Variants in UBXN6 observed in about 807,000 individuals in gnomAD.
UBXN6 encodes the protein UBX domain protein 6.
A neutral mutation model predicts 51.4 loss-of-function variants in UBXN6; 44 were observed. The ratio of observed to expected loss-of-function variants is 0.86; its 90% CI spans 0.67 to 1.10. The LOEUF (loss-of-function observed/expected upper bound fraction) is 1.10. Ranked by LOEUF, UBXN6 falls within the 50% of genes least tolerant of loss-of-function variation. The probability of loss-of-function intolerance (pLI) is 0.00; values close to 1 mark genes in which losing one functional copy is unlikely to be tolerated. For synonymous variants in UBXN6, 316 were observed against 263.2 expected (o/e 1.20, Z -1.94); for missense variants, 672 against 596.1 (o/e 1.13, Z -1.32).
intron 6 of UBXN6, chr19:4,447,209 G>A: frequency 1.7e-6 from 1 of 579,136 alleles, no homozygotes; most frequent in Non-Finnish European, 3.1e-6. Flanking sequence ...CACCGCCCAG[G>A]ACCCCAGTCC....
In UBXN6 at chr19:4,452,339, C is replaced by T. The variant is rs1365542981; in HGVS notation, c.441+25G>A. On this transcript the variant is annotated intron_variant, in intron 4 of 10. Coordinates refer to ENST00000301281, the MANE Select transcript of UBXN6 (RefSeq NM_025241.3). ...AGGCACAGGAAGCTACAGGTTGGGG[C>T]AGGAGCACACAGGGTGCCACTCACC... 3.7e-6 allele frequency: 6 copies of T among 1,609,552 alleles called. No individual in the cohort carries two copies. The East Asian group carries it at 1.3e-4, about 36-fold the overall frequency.
In UBXN6 at chr19:4,452,396, G is replaced by T. The variant is rs764696826; in HGVS notation, c.409C>A (p.Arg137=). The change falls in exon 4 of 11, where the codon CGG becomes AGG. Residue 137 remains arginine, a synonymous_variant. Transcript: ENST00000301281. ...LTGATLRKDQ[R]DACIKEAILL... The stretch of plus-strand genomic sequence containing the variant: ...ATGGCCTCCTTGATGCAGGCGTCCC[G>T]CTGGTCCTTCCTCAGGGTGGCCCCA... 6.2e-7 allele frequency: 1 copy of T among 1,613,414 alleles called. No individual in the cohort carries two copies. The highest frequency in any genetic ancestry group is 1.7e-5 in the Admixed American group (1 of 60,012).
At chr19:4,452,284 A>G in intron 4 of UBXN6, 80 bp downstream of exon 4, 1 of 1,569,750 alleles carries the variant, frequency 6.4e-7, no homozygotes, top group Non-Finnish European at 8.7e-7. Flanking sequence ...AGGGATCTGT[A>G]CCACCTGGGC....
chr19:4,457,188 C>G (rs1183750287), intron 1 of UBXN6, among the ~76,000 whole-genome samples: 1 of 152,134 alleles, frequency 6.6e-6, no homozygotes, highest in Non-Finnish European at 1.5e-5. Flanking sequence ...AGAGCTCTCC[C>G]TCACCACCCG....
chr19:4,448,243 G>T, intron 5 of UBXN6, 75 bp downstream of exon 5: 1 of 1,341,172 alleles, frequency 7.5e-7, no homozygotes, highest in South Asian at 1.3e-5. Flanking sequence ...GGGCCAGAGG[G>T]GGTGACAGCC....
chr19:4,446,473 A>G, intron 8 of UBXN6, 27 bp downstream of exon 8: 4 of 1,594,532 alleles, frequency 2.5e-6, no homozygotes, highest in Non-Finnish European at 3.4e-6. Context: ...GCCCCGCCCC[A>G]CTCTGCTCCG....
intron 1 of UBXN6, among the ~76,000 whole-genome samples, chr19:4,457,067 TCAC>T (rs1158846482): frequency 6.6e-6 from 1 of 151,792 alleles, no homozygotes; most frequent in Non-Finnish European, 1.5e-5. Context: ...AAACAACTCT[TCAC>T]CACCCCACCC....
chr19:4,450,193 C>T (rs1248700321), intron 4 of UBXN6: 2 of 148,660 alleles, frequency 1.3e-5, no homozygotes, highest in African/African-American at 5.0e-5. Context: ...CCACTGCACT[C>T]CAGCCTGGTG....
chr19:4,447,454 A>G, intron 6 of UBXN6, 96 bp downstream of exon 6: 1 of 1,379,240 alleles, frequency 7.3e-7, no homozygotes, highest in Non-Finnish European at 1.0e-6. Flanking sequence ...TAGCTCCTCC[A>G]GGGAGCCCAC....
At position 4,446,096 on chromosome 19, in the gene UBXN6, GC is replaced by G. The variant is rs1414565363; in HGVS notation, c.1152del (p.Gln385ArgfsTer11). 12 of 1,612,640 alleles carry G rather than the reference GC, an allele frequency of 7.4e-6. No homozygotes were observed. Among genetic ancestry groups the G allele is most frequent in the Non-Finnish European group, 1.0e-5 (12 of 1,179,906 alleles). On this transcript the variant is annotated frameshift_variant, in exon 10 of 11. Coordinates refer to ENST00000301281, the MANE Select transcript of UBXN6 (RefSeq NM_025241.3). LOFTEE classifies it high-confidence loss of function. Reference sequence around the variant, plus strand: ...AGGTTCTCGTCCTCGGACAGCTTCTGCCCTCCCGAGGCCAGCAGCTCAAAAG... The same window carrying G: ...AGGTTCTCGTCCTCGGACAGCTTCTGCCTCCCGAGGCCAGCAGCTCAAAAG... ...WLPFELLASG[G>X]QKLSEDENLA...
rs368344029 is a variant in UBXN6 at position 4,453,555 on chromosome 19, C to T, written c.248-33G>A. On this transcript the variant is annotated intron_variant, in intron 2 of 10. Coordinates refer to ENST00000301281, the MANE Select transcript of UBXN6 (RefSeq NM_025241.3). ...GCAGCCCAAGAAAGAGAGGCAGAGACGGGATAGTGAGCACGCCGCTGTCCT... is the reference window on the plus strand; with the variant it reads ...GCAGCCCAAGAAAGAGAGGCAGAGATGGGATAGTGAGCACGCCGCTGTCCT... 22 of 1,609,606 alleles carry T rather than the reference C, an allele frequency of 1.4e-5. No individual in the cohort carries two copies. The East Asian group carries it at 1.6e-4, about 11-fold the overall frequency.
chr19:4,455,805 G>A (rs896744265), intron 1 of UBXN6, among the ~76,000 whole-genome samples: 6 of 151,986 alleles, frequency 3.9e-5, no homozygotes, highest in African/African-American at 1.5e-4. Flanking sequence ...AGAAGGAGGG[G>A]CAGATTTCCC....
At position 4,447,610 on chromosome 19, in the gene UBXN6, G is replaced by T; in HGVS notation, c.555C>A (p.Ile185=). The change falls in exon 6 of 11, where the codon ATC becomes ATA. Residue 185 remains isoleucine, a synonymous_variant. Transcript: ENST00000301281. The part of the protein sequence containing the change: ...VDTIAKYLDN[I]HLHPEEEKYR... The stretch of plus-strand genomic sequence containing the variant: ...ACTTCTCCTCCTCGGGGTGCAGGTG[G>T]ATGTTGTCCAGGTACCTGGGGTAGG... 6.2e-7 allele frequency: 1 copy of T among 1,613,936 alleles called. No homozygotes were observed. Among genetic ancestry groups the T allele is most frequent in the South Asian group, 1.1e-5 (1 of 91,084 alleles).
Position 4,445,475 on chromosome 19 carries a change from C to A in UBXN6, c.*23G>T, listed in dbSNP as rs1443453666. The stretch of plus-strand genomic sequence containing the variant: ...GAGAGCATGAGACAGACCCACAGGG[C>A]TGAGGCCAACCCTGCTTTTATTTCA... On this transcript the variant is annotated 3_prime_UTR_variant, in exon 11 of 11. Coordinates refer to ENST00000301281, the MANE Select transcript of UBXN6 (RefSeq NM_025241.3). The A allele has an allele frequency of 6.2e-7, 1 of 1,613,418 alleles. No individual in the cohort carries two copies. The highest frequency in any genetic ancestry group is 8.5e-7 in the Non-Finnish European group (1 of 1,179,862).
chr19:4,449,806 A>AG (rs1348811784), intron 4 of UBXN6: 2 of 152,190 alleles, frequency 1.3e-5, no homozygotes, highest in African/African-American at 4.8e-5. Flanking sequence ...GGGGCTGAGA[A>AG]GAAAGCTGAG....
intron 4 of UBXN6, among the ~76,000 whole-genome samples, chr19:4,451,571 G>A (rs1189019081): frequency 6.6e-6 from 1 of 152,104 alleles, no homozygotes; most frequent in African/African-American, 2.4e-5. Context: ...CCAGGCTAAA[G>A]CCGAAGTTTC....
In UBXN6 at chr19:4,452,382, G is replaced by A; in HGVS notation, c.423C>T (p.Ile141=). ...CACTCACCAAGAGAATGGCCTCCTT[G>A]ATGCAGGCGTCCCGCTGGTCCTTCC... The part of the protein sequence containing the change: ...TLRKDQRDAC[I]KEAILLHFST... Residue 141 remains isoleucine (I), a synonymous_variant, in exon 4 of 11, where the codon ATC becomes ATT. Transcript: ENST00000301281. 1 of 1,613,686 alleles carries A rather than the reference G, an allele frequency of 6.2e-7. No individual in the cohort carries two copies. The highest frequency in any genetic ancestry group is 8.5e-7 in the Non-Finnish European group (1 of 1,179,896).
At chr19:4,448,204 T>C (rs1974578723) in intron 5 of UBXN6, 114 bp downstream of exon 5, 1 of 993,814 alleles carries the variant, frequency 1.0e-6, no homozygotes, top group Non-Finnish European at 1.5e-6. Context: ...CCTATGCTCC[T>C]TCCCAACCCA....
Position 4,445,744 on chromosome 19 carries a change from G to A in UBXN6, c.1201-121C>T, listed in dbSNP as rs562283092. On this transcript the variant is annotated intron_variant, in intron 10 of 10. Transcript: ENST00000301281. ...CTGGAAGCCATCTCAGCTGGTGGAG[G>A]CTGTGGCTCGCACCCAGGCCTCCTG... 2.0e-6 allele frequency: 3 copies of A among 1,473,328 alleles called. No homozygotes were observed. In the South Asian group the frequency reaches 3.9e-5, roughly 19 times the overall value. 91.3% of individuals were successfully genotyped at this position (1,473,328 alleles called of 1,614,324 possible).
Sources: gnomAD v4.1 joint callset for allele counts (sites outside exome capture counted in the v4.1 genomes callset) on GRCh38, gnomAD v4.1.1 for gene constraint, MANE v1.5 for transcripts, NCBI Gene and HGNC (gene_info 2026-07-23, HGNC 2026-07-21) for gene names.